The following ADGRL3 variants were observed in gnomAD, a reference collection of about 807,000 sequenced individuals.
The protein encoded by ADGRL3 is adhesion G protein-coupled receptor L3, also known as calcium-independent alpha-latrotoxin receptor 3.
Under a neutral mutation model 153.5 loss-of-function variants are expected in ADGRL3, and 62 were observed. The ratio of observed to expected loss-of-function variants is 0.40; its 90% CI spans 0.33 to 0.50. The LOEUF (loss-of-function observed/expected upper bound fraction) is 0.50, where lower values mean the gene tolerates loss of function less well. Among genes scored for constraint, ADGRL3 ranks in the 20% least tolerant of loss-of-function variants. The probability of loss-of-function intolerance (pLI) is 0.47; values close to 1 mark genes in which losing one functional copy is unlikely to be tolerated. For synonymous variants in ADGRL3, 710 were observed against 672.5 expected, an observed-to-expected ratio of 1.06 and a Z score of -0.86; for missense variants, 1,641 against 1,859.4, an observed-to-expected ratio of 0.88 and a Z score of 2.16.
intron 1 of ADGRL3, among the ~76,000 whole-genome samples, chr4:61,306,136 C>T (rs1180743817): frequency 6.6e-6 from 1 of 151,868 alleles, no homozygotes; most frequent in African/African-American, 2.4e-5. Flanking sequence ...CTTGCTCTGT[C>T]ACCCAGGCTG....
At chr4:61,785,568 G>C in intron 8 of ADGRL3, among the ~76,000 whole-genome samples, 1 of 152,172 alleles carries the variant, frequency 6.6e-6, no homozygotes, top group East Asian at 1.9e-4. Context: ...AGCTGACTTA[G>C]AGGGGTAACT....
At chr4:61,955,865 C>T (rs2098964185) in intron 17 of ADGRL3, among the ~76,000 whole-genome samples, 1 of 152,106 alleles carries the variant, frequency 6.6e-6, no homozygotes, top group South Asian at 2.1e-4. Context: ...AGGACATGAC[C>T]TCATTCCTTT....
At chr4:61,999,850 T>C (rs1219194866) in intron 21 of ADGRL3, among the ~76,000 whole-genome samples, 1 of 152,182 alleles carries the variant, frequency 6.6e-6, no homozygotes, top group Non-Finnish European at 1.5e-5. Flanking sequence ...AATTAAAATA[T>C]AGTGGTGCAA....
chr4:61,564,866 A>G (rs971476874), intron 4 of ADGRL3, among the ~76,000 whole-genome samples: 5 of 152,132 alleles, frequency 3.3e-5, no homozygotes, highest in Non-Finnish European at 5.9e-5. Context: ...AAGAGAGGAG[A>G]TGGGAAAATG....
intron 6 of ADGRL3, among the ~76,000 whole-genome samples, chr4:61,679,417 A>G (rs2095285247): frequency 6.6e-6 from 1 of 152,056 alleles, no homozygotes; most frequent in Non-Finnish European, 1.5e-5. Flanking sequence ...TACTTAACAA[A>G]AAGCTAGGTC....
intron 2 of ADGRL3, among the ~76,000 whole-genome samples, chr4:61,433,485 A>G (rs1358326466): frequency 9.9e-5 from 15 of 152,058 alleles, no homozygotes; most frequent in African/African-American, 3.1e-4. Context: ...GCATTTAAGG[A>G]CTTACTTTTT....
intron 1 of ADGRL3, among the ~76,000 whole-genome samples, chr4:61,290,891 G>A (rs1442564494): frequency 3.3e-5 from 5 of 151,774 alleles, no homozygotes; most frequent in Admixed American, 1.3e-4. Flanking sequence ...TTCTAGATAA[G>A]AATAATGCAA....
rs1582079661 is a variant in ADGRL3 at position 62,053,688 on chromosome 4, C to A, written c.3814+9139C>A. On this transcript the variant is annotated intron_variant, in intron 25 of 26. Transcript: ENST00000683033. ...GATTATGATCATAGTATAAAATAAG[C>A]CTTCTGTAACATTATCAAAAATCTC... is the stretch of plus-strand genomic sequence containing the variant. 2.6e-5 allele frequency among the ~76,000 whole-genome samples: 4 copies of A among 151,500 alleles called. No homozygotes were observed. In the South Asian group the frequency reaches 8.3e-4, roughly 31 times the overall value.
At chr4:61,971,323 A>G (rs1253188077) in intron 17 of ADGRL3, among the ~76,000 whole-genome samples, 1 of 151,842 alleles carries the variant, frequency 6.6e-6, no homozygotes, top group East Asian at 1.9e-4. Flanking sequence ...CCACCCCACA[A>G]CAGTCCCCAG....
chr4:61,284,127 G>A (rs1394500420), intron 1 of ADGRL3, among the ~76,000 whole-genome samples: 1 of 151,756 alleles, frequency 6.6e-6, no homozygotes, highest in Non-Finnish European at 1.5e-5. Context: ...TGATGTAAAG[G>A]GATACTTATG....
At chr4:61,787,882 A>C (rs780261572) in intron 8 of ADGRL3, among the ~76,000 whole-genome samples, 1 of 151,996 alleles carries the variant, frequency 6.6e-6, no homozygotes, top group African/African-American at 2.4e-5. Context: ...TGGCACATAA[A>C]ACAGAGCACA....
chr4:62,063,464 C>CTTTTTTTTTTTTTTTTTTT, intron 25 of ADGRL3: 1 of 521,726 alleles, frequency 1.9e-6, no homozygotes, highest in East Asian at 3.4e-5. Context: ...CCTGATTGAC[C>CTTTTTTTTTTTTTTTTTTT]TTTTTTTTTT....
At chr4:61,733,664 C>T (rs182001137) in intron 8 of ADGRL3, 110 bp downstream of exon 8, 1 of 803,336 alleles carries the variant, frequency 1.2e-6, no homozygotes, top group African/African-American at 1.7e-5. Flanking sequence ...GGCCTGTGTA[C>T]CTGAAAATTG....
chr4:61,565,839 G>A (rs931353624), intron 4 of ADGRL3, among the ~76,000 whole-genome samples: 12 of 152,038 alleles, frequency 7.9e-5, no homozygotes. Context: ...CACCCAGTCG[G>A]ATTTAGGCAT....
At chr4:61,367,797 C>T (rs1279552407) in intron 1 of ADGRL3, among the ~76,000 whole-genome samples, 41 of 100,874 alleles carry the variant, frequency 4.1e-4, no homozygotes, top group Middle Eastern at 4.9e-3. Context: ...GTTCTAGATC[C>T]CTGAGGAATC....
At chr4:61,856,598 CTCTCTCTTTTTTT>C (rs1354807994) in intron 9 of ADGRL3, among the ~76,000 whole-genome samples, 4 of 56,944 alleles carry the variant, frequency 7.0e-5, no homozygotes, top group African/African-American at 1.6e-4. Context: ...CTCTCTCTCT[CTCTCTCTTTTTTT>C]TTTTTTTTTT....
At chr4:61,315,988 A>C (rs1307670788) in intron 1 of ADGRL3, among the ~76,000 whole-genome samples, 1 of 152,216 alleles carries the variant, frequency 6.6e-6, no homozygotes. Flanking sequence ...CTAGGGATAT[A>C]ACAATAAACA....
At chr4:61,411,636 T>A (rs1196328885) in intron 2 of ADGRL3, among the ~76,000 whole-genome samples, 1 of 152,204 alleles carries the variant, frequency 6.6e-6, no homozygotes, top group Non-Finnish European at 1.5e-5. Flanking sequence ...TTTTGACTAA[T>A]TTCTCTTTCC....
intron 4 of ADGRL3, among the ~76,000 whole-genome samples, chr4:61,559,818 T>G (rs78424063): frequency 0.045 from 6,837 of 150,748 alleles, 493 homozygotes; most frequent in African/African-American, 0.15. Flanking sequence ...CCATAATCAT[T>G]TTTTTTTAAT....
Sources: gnomAD v4.1 joint callset for allele counts (sites outside exome capture counted in the v4.1 genomes callset) on GRCh38, gnomAD v4.1.1 for gene constraint, MANE v1.5 for transcripts, NCBI Gene and HGNC (gene_info 2026-07-23, HGNC 2026-07-21) for gene names.